The following CAPZB variants were observed in gnomAD, a reference collection of about 807,000 sequenced individuals.
CAPZB encodes the protein capping actin protein of muscle Z-line subunit beta, also known as F-actin-capping protein subunit beta.
Under a neutral mutation model 38.1 loss-of-function variants are expected in CAPZB, and 2 were observed. That is an observed-to-expected ratio of 0.05 (90% CI 0.02 to 0.17). The LOEUF (loss-of-function observed/expected upper bound fraction) is 0.17. Ranked by LOEUF, CAPZB falls within the 10% of genes least tolerant of loss-of-function variation. The pLI is 1.00. For synonymous variants in CAPZB, 107 were observed against 127.4 expected (o/e 0.84, Z 1.08); for missense variants, 161 against 334.2 (o/e 0.48, Z 4.04).
At chr1:19,423,972 C>A (rs1016820608) in intron 1 of CAPZB, among the ~76,000 whole-genome samples, 2 of 151,744 alleles carry the variant, frequency 1.3e-5, no homozygotes, top group African/African-American at 4.8e-5. Context: ...CCACCATGCC[C>A]AGCCAATTTT....
chr1:19,450,407 A>C (rs1470248716), intron 1 of CAPZB, among the ~76,000 whole-genome samples: 1 of 152,206 alleles, frequency 6.6e-6, no homozygotes, highest in African/African-American at 2.4e-5. Context: ...CAGTGCTCAC[A>C]AAGTTTTGGG....
At chr1:19,371,442 C>T (rs1410929951) in intron 4 of CAPZB, among the ~76,000 whole-genome samples, 2 of 152,204 alleles carry the variant, frequency 1.3e-5, no homozygotes, top group East Asian at 1.9e-4. Context: ...AGGGGTCTGA[C>T]GCACAGTGTG....
At chr1:19,422,387 C>A (rs1398398613) in intron 1 of CAPZB, among the ~76,000 whole-genome samples, 1 of 152,144 alleles carries the variant, frequency 6.6e-6, no homozygotes, top group African/African-American at 2.4e-5. Flanking sequence ...GGTTTGGGGG[C>A]TGCAGATTCC....
At chr1:19,464,421 A>G (rs901362726) in intron 1 of CAPZB, among the ~76,000 whole-genome samples, 1 of 150,736 alleles carries the variant, frequency 6.6e-6, no homozygotes, top group African/African-American at 2.4e-5. Flanking sequence ...CCTCCCGAGT[A>G]GCTGGGACTA....
intron 4 of CAPZB, among the ~76,000 whole-genome samples, chr1:19,370,176 C>T (rs949311817): frequency 1.3e-5 from 2 of 152,356 alleles, no homozygotes; most frequent in African/African-American, 4.8e-5. Flanking sequence ...TCACTGCCCA[C>T]GACCACTGGG....
intron 8 of CAPZB, among the ~76,000 whole-genome samples, chr1:19,340,672 GACA>G (rs2093923126): frequency 6.6e-6 from 1 of 151,690 alleles, no homozygotes; most frequent in African/African-American, 2.4e-5. Context: ...TCTCTACAAC[GACA>G]ACAACAAAAA....
At chr1:19,398,926 C>T (rs1459865315) in intron 2 of CAPZB, among the ~76,000 whole-genome samples, 1 of 150,558 alleles carries the variant, frequency 6.6e-6, no homozygotes, top group Non-Finnish European at 1.5e-5. Context: ...GGAGCGATCT[C>T]GAGTACCGCA....
At chr1:19,389,025 T>C (rs1283730068) in intron 2 of CAPZB, among the ~76,000 whole-genome samples, 2 of 152,194 alleles carry the variant, frequency 1.3e-5, no homozygotes, top group Admixed American at 6.5e-5. Flanking sequence ...GGCCATAGTT[T>C]TGGCCATATT....
At chr1:19,448,733 C>A in intron 1 of CAPZB, 3 of 1,401,730 alleles carry the variant, frequency 2.1e-6, no homozygotes, top group Non-Finnish European at 3.0e-6. Flanking sequence ...ATCAGCTTTG[C>A]TATTTACTTC....
chr1:19,455,321 C>T lies in CAPZB; in HGVS notation c.3+30115G>A, dbSNP rs532832331. On this transcript the variant is annotated intron_variant, in intron 1 of 8. Transcript: ENST00000264202. Reference sequence around the variant, plus strand: ...TGCTAACACAGGGCTCCTGGGATCCCATAGAGAGAGAGTCTATTTCCATTT... The same window carrying T: ...TGCTAACACAGGGCTCCTGGGATCCTATAGAGAGAGAGTCTATTTCCATTT... Among the ~76,000 whole-genome samples, 5 of 152,190 alleles carry T rather than the reference C, an allele frequency of 3.3e-5. No homozygotes were observed. The South Asian group carries it at 1.0e-3, about 32-fold the overall frequency.
intron 1 of CAPZB, among the ~76,000 whole-genome samples, chr1:19,421,139 T>A (rs975543558): frequency 6.6e-6 from 1 of 152,238 alleles, no homozygotes; most frequent in African/African-American, 2.4e-5. Context: ...TTCAGGATTT[T>A]TGGAAGGCCT....
intron 1 of CAPZB, chr1:19,484,724 G>A: frequency 9.4e-7 from 1 of 1,058,568 alleles, no homozygotes; most frequent in Non-Finnish European, 1.1e-6. Context: ...GCTCAGGGCG[G>A]GGACCGAGCG....
rs868088589 is a variant in CAPZB, at chr1:19,371,369, T to C, written c.329+7171A>G. Among the ~76,000 whole-genome samples the C allele has an allele frequency of 3.9e-5, 6 of 152,290 alleles. No homozygotes were observed. The South Asian group carries it at 1.2e-3, about 32-fold the overall frequency. On this transcript the variant is annotated intron_variant, in intron 4 of 8. Coordinates refer to ENST00000264202, the MANE Select transcript of CAPZB (RefSeq NM_004930.5). ...CACGTACAGATACCTGCTGCACAAT[T>C]AGAAGAGCCCTGTCACCCAGCAGCC...
chr1:19,420,843 AAAAT>A (rs746862590), intron 1 of CAPZB, among the ~76,000 whole-genome samples: 2 of 152,208 alleles, frequency 1.3e-5, no homozygotes, highest in Non-Finnish European at 2.9e-5. Context: ...AAACATATAA[AAAAT>A]AAATAAATAA....
At chr1:19,455,224 A>G (rs540009086) in intron 1 of CAPZB, among the ~76,000 whole-genome samples, 5 of 152,322 alleles carry the variant, frequency 3.3e-5, no homozygotes, top group South Asian at 4.1e-4. Flanking sequence ...AAAAAATATG[A>G]AAGGCCTGGC....
In CAPZB at chr1:19,356,502, A is replaced by G; in HGVS notation, c.588+133T>C. ...CTTTTATTTGAAAATGCAAAGCCCT[A>G]CTTAGATGGTGGATTTATAGCTGGC... On this transcript the variant is annotated intron_variant, in intron 6 of 8. Coordinates refer to ENST00000264202, the MANE Select transcript of CAPZB (RefSeq NM_004930.5). The surrounding 1 kb of genome is among the most constrained non-coding windows in gnomAD (Gnocchi z 4.3). The G allele has an allele frequency of 1.3e-6, 1 of 742,570 alleles. No individual in the cohort carries two copies. The highest frequency in any genetic ancestry group is 1.5e-5 in the South Asian group (1 of 68,714). 46.0% of individuals were successfully genotyped at this position (742,570 alleles called of 1,614,324 possible). A position where few individuals can be genotyped will look rare whatever the true frequency, so the allele number is the denominator to read the frequency against.
At chr1:19,463,050 T>G (rs1349401343) in intron 1 of CAPZB, among the ~76,000 whole-genome samples, 1 of 152,192 alleles carries the variant, frequency 6.6e-6, no homozygotes, top group Non-Finnish European at 1.5e-5. Flanking sequence ...TAATTTCTGT[T>G]CTCATCCAGC....
At chr1:19,428,685 T>C (rs1329522448) in intron 1 of CAPZB, among the ~76,000 whole-genome samples, 3 of 152,146 alleles carry the variant, frequency 2.0e-5, no homozygotes, top group Non-Finnish European at 4.4e-5. Flanking sequence ...GTTGCACAGA[T>C]AGAGGCAAAA....
chr1:19,390,844 G>A (rs113515663), intron 2 of CAPZB, among the ~76,000 whole-genome samples: 4,455 of 152,332 alleles, frequency 0.029, 84 homozygotes, highest in Non-Finnish European at 0.044. Flanking sequence ...CCTGCCCTGC[G>A]TGGCAGGCAC....
Sources: allele counts gnomAD v4.1 joint callset (sites outside exome capture counted in the v4.1 genomes callset), GRCh38; gene constraint gnomAD v4.1.1; non-coding constraint Gnocchi (gnomAD v3.1); transcripts MANE v1.5; gene names NCBI Gene and HGNC (gene_info 2026-07-23, HGNC 2026-07-21).